The following TSC22D1 variants were observed in gnomAD, a reference collection of about 807,000 sequenced individuals.
The protein encoded by TSC22D1 is TSC22 domain family member 1.
TSC22D1 carries 9 observed loss-of-function variants against 74.2 expected under a neutral mutation model. The ratio of observed to expected loss-of-function variants is 0.12; its 90% CI spans 0.07 to 0.21. TSC22D1 has a LOEUF of 0.21. Among genes scored for constraint, TSC22D1 ranks in the 10% least tolerant of loss-of-function variants. The pLI is 1.00. For missense variants in TSC22D1, 1,427 were observed against 1,304.7 expected (o/e 1.09, Z -1.44); for synonymous variants, 586 against 492.5 (o/e 1.19, Z -2.51).
At chr13:44,521,531 C>T (rs1880314970) in intron 1 of TSC22D1, among the ~76,000 whole-genome samples, 1 of 151,900 alleles carries the variant, frequency 6.6e-6, no homozygotes, top group African/African-American at 2.4e-5. Flanking sequence ...AATGAAAGCA[C>T]ATAAAATGAG....
At position 44,517,811 on chromosome 13, in the gene TSC22D1, A is replaced by ATG. The variant is rs1160142015; in HGVS notation, c.2912+55350_2912+55351dup. Among the ~76,000 whole-genome samples, 219 of 55,062 alleles carry ATG rather than the reference A, an allele frequency of 4.0e-3. 3 individuals carry two copies. The highest frequency in any genetic ancestry group is 9.8e-3 in the East Asian group (17 of 1,726). 36.1% of individuals were successfully genotyped at this position (55,062 alleles called of 152,430 possible). A position where few individuals can be genotyped will look rare whatever the true frequency, so the allele number is the denominator to read the frequency against. On this transcript the variant is annotated intron_variant, in intron 1 of 2. Coordinates refer to ENST00000458659, the MANE Select transcript of TSC22D1 (RefSeq NM_183422.4). ...TATACATATATATACACACATATAT[A>ATG]TGTGTGTGTGTGTGTGTGTATATAT...
intron 1 of TSC22D1, among the ~76,000 whole-genome samples, chr13:44,505,204 G>T (rs1288477236): frequency 6.6e-6 from 1 of 152,164 alleles, no homozygotes; most frequent in Admixed American, 6.6e-5. Context: ...CAAGGCAGGA[G>T]GATCACTTGA....
chr13:44,439,813 G>A (rs530723845), intron 1 of TSC22D1, among the ~76,000 whole-genome samples: 1 of 152,356 alleles, frequency 6.6e-6, no homozygotes, highest in Admixed American at 6.5e-5. Context: ...GATAGGAAAA[G>A]AGGAACAGGC....
chr13:44,536,620 G>T, intron 1 of TSC22D1: 1 of 528,592 alleles, frequency 1.9e-6, no homozygotes, highest in Non-Finnish European at 2.4e-6. Context: ...ATTTTCAAAT[G>T]TTCTTCTGGG....
intron 1 of TSC22D1, among the ~76,000 whole-genome samples, chr13:44,504,199 T>G (rs1879337545): frequency 6.6e-6 from 1 of 151,426 alleles, no homozygotes; most frequent in South Asian, 2.1e-4. Context: ...CTGTATTTAA[T>G]GAATATTTCT....
chr13:44,457,128 G>A lies in TSC22D1; in HGVS notation c.2913-21033C>T, dbSNP rs546693047. On this transcript the variant is annotated intron_variant, in intron 1 of 2. Transcript: ENST00000458659. ...TAATGCACATTTCACATTTGCTTAT[G>A]TGTGATTTTGTTTGTGAGAAACATC... Among the ~76,000 whole-genome samples, 6 of 152,356 alleles carry A rather than the reference G, an allele frequency of 3.9e-5. No individual in the cohort carries two copies. In the South Asian group the frequency reaches 1.2e-3, roughly 32 times the overall value.
At chr13:44,521,950 T>TA (rs112364466) in intron 1 of TSC22D1, among the ~76,000 whole-genome samples, 16,648 of 151,926 alleles carry the variant, frequency 0.11, 986 homozygotes, top group Non-Finnish European at 0.12. Context: ...TAGCAGCTGC[T>TA]AAAAAAAACA....
chr13:44,563,800 C>T (rs965911288), intron 1 of TSC22D1, among the ~76,000 whole-genome samples: 3 of 152,184 alleles, frequency 2.0e-5, no homozygotes, highest in Admixed American at 6.5e-5. Flanking sequence ...AAAACTGTCT[C>T]GGCGAATTCA....
chr13:44,478,356 CATG>C (rs1160417193), intron 1 of TSC22D1, among the ~76,000 whole-genome samples: 2 of 152,154 alleles, frequency 1.3e-5, no homozygotes, highest in African/African-American at 4.8e-5. Context: ...ATGTAATCCT[CATG>C]ATAACTCTAA....
intron 1 of TSC22D1, among the ~76,000 whole-genome samples, chr13:44,441,520 G>A (rs1875205445): frequency 6.6e-6 from 1 of 152,032 alleles, no homozygotes; most frequent in Admixed American, 6.6e-5. Context: ...TGGCAGGAAT[G>A]GTTTAAAACT....
chr13:44,539,977 C>T, intron 1 of TSC22D1: 1 of 1,236,868 alleles, frequency 8.1e-7, no homozygotes, highest in Non-Finnish European at 1.1e-6. Context: ...TAAGAAATTA[C>T]ATTCTCTGGT....
chr13:44,536,759 T>C (rs1488469302), intron 1 of TSC22D1: 2 of 984,124 alleles, frequency 2.0e-6, no homozygotes, highest in Middle Eastern at 5.2e-4. Flanking sequence ...GTTTGCAAAA[T>C]TGAGGTACAA....
Position 44,434,119 on chromosome 13 carries a change from T to C in TSC22D1, c.*507A>G. The C allele has an allele frequency of 1.3e-6, 2 of 1,499,914 alleles. No individual in the cohort carries two copies. Among genetic ancestry groups the C allele is most frequent in the Non-Finnish European group, 1.8e-6 (2 of 1,137,890 alleles). The allele number at this position is 1,499,914 out of a possible 1,614,324, so 92.9% of individuals were successfully genotyped here. On this transcript the variant is annotated 3_prime_UTR_variant, in exon 3 of 3. Transcript: ENST00000458659. Reference sequence around the variant, plus strand: ...TACTATTGTTTTTTATGAATTTTGGTGACAGTTGTCAAATTTGTACAGTGA... The same window carrying C: ...TACTATTGTTTTTTATGAATTTTGGCGACAGTTGTCAAATTTGTACAGTGA...
chr13:44,489,914 C>T (rs1878623081), intron 1 of TSC22D1, among the ~76,000 whole-genome samples: 1 of 151,948 alleles, frequency 6.6e-6, no homozygotes, highest in African/African-American at 2.4e-5. Context: ...GAATGTGGAA[C>T]AGCTGGAACA....
chr13:44,442,907 ACT>A (rs1875315251), intron 1 of TSC22D1, among the ~76,000 whole-genome samples: 1 of 88,378 alleles, frequency 1.1e-5, no homozygotes, highest in Non-Finnish European at 2.2e-5. Context: ...ACAGAGCGAG[ACT>A]CTGTCAAAAA....
intron 1 of TSC22D1, among the ~76,000 whole-genome samples, chr13:44,541,368 C>T (rs1881457362): frequency 6.6e-6 from 1 of 152,040 alleles, no homozygotes; most frequent in South Asian, 2.1e-4. Flanking sequence ...CAATTCTGTA[C>T]AAATGAGAAA....
intron 1 of TSC22D1, among the ~76,000 whole-genome samples, chr13:44,485,708 T>C (rs1393478798): frequency 6.6e-6 from 1 of 152,068 alleles, no homozygotes; most frequent in Admixed American, 6.5e-5. Flanking sequence ...AATACTCCAT[T>C]AGAAAGGTCT....
chr13:44,533,387 G>A (rs779061034), intron 1 of TSC22D1, among the ~76,000 whole-genome samples: 3 of 151,668 alleles, frequency 2.0e-5, no homozygotes, highest in South Asian at 4.2e-4. Flanking sequence ...TTGAACCCAG[G>A]AGGCAGATGT....
At chr13:44,529,828 C>A (rs1880735491) in intron 1 of TSC22D1, among the ~76,000 whole-genome samples, 1 of 151,922 alleles carries the variant, frequency 6.6e-6, no homozygotes, top group East Asian at 1.9e-4. Context: ...ACATTAACAC[C>A]AAGAAATTAA....
Sources: allele counts gnomAD v4.1 joint callset (sites outside exome capture counted in the v4.1 genomes callset), GRCh38; gene constraint gnomAD v4.1.1; transcripts MANE v1.5; gene names NCBI Gene and HGNC (gene_info 2026-07-23, HGNC 2026-07-21).